NKAIN2: variants seen among roughly 807,000 people sequenced by gnomAD.
NKAIN2 encodes the protein sodium/potassium transporting ATPase interacting 2, also known as sodium/potassium-transporting ATPase subunit beta-1-interacting protein 2.
NKAIN2 carries 14 observed loss-of-function variants against 32.6 expected under a neutral mutation model. The observed-to-expected ratio is 0.43, with a 90% CI of 0.28 to 0.67. The LOEUF is 0.67. Among genes scored for constraint, NKAIN2 ranks in the 30% least tolerant of loss-of-function variants. The probability of loss-of-function intolerance (pLI) is 0.17; values close to 1 mark genes in which losing one functional copy is unlikely to be tolerated. For missense variants in NKAIN2, 198 were observed against 258.3 expected (o/e 0.77, Z 1.60); for synonymous variants, 80 against 87.2 (o/e 0.92, Z 0.46).
intron 1 of NKAIN2, among the ~76,000 whole-genome samples, chr6:124,036,439 C>A (rs1781607503): frequency 6.6e-6 from 1 of 152,024 alleles, no homozygotes; most frequent in African/African-American, 2.4e-5. Flanking sequence ...ATGGTCTAGT[C>A]AAAATATTTT....
chr6:124,068,626 C>T (rs539544888), intron 1 of NKAIN2, among the ~76,000 whole-genome samples: 40 of 151,896 alleles, frequency 2.6e-4, no homozygotes, highest in South Asian at 6.2e-4. Flanking sequence ...AGAGCCTAGC[C>T]GTGGCTAGCA....
intron 1 of NKAIN2, among the ~76,000 whole-genome samples, chr6:124,253,909 C>T (rs1793803745): frequency 6.6e-6 from 1 of 151,538 alleles, no homozygotes; most frequent in South Asian, 2.1e-4. Context: ...CCTCCACTCC[C>T]CAGGTTCAAG....
chr6:123,857,202 C>G (rs1775587429), intron 1 of NKAIN2, among the ~76,000 whole-genome samples: 1 of 151,800 alleles, frequency 6.6e-6, no homozygotes, highest in South Asian at 2.1e-4. Flanking sequence ...ATCATGGACC[C>G]TAAAATAAGA....
intron 3 of NKAIN2, among the ~76,000 whole-genome samples, chr6:124,560,743 C>T (rs560428576): frequency 1.1e-4 from 16 of 152,232 alleles, no homozygotes; most frequent in African/African-American, 2.6e-4. Flanking sequence ...ACCTTCTTAG[C>T]GAGTTTTGTT....
chr6:124,745,489 A>G (rs1391183938), intron 4 of NKAIN2, among the ~76,000 whole-genome samples: 1 of 151,952 alleles, frequency 6.6e-6, no homozygotes, highest in African/African-American at 2.4e-5. Context: ...TTATAGTTCA[A>G]CATATGAATC....
intron 3 of NKAIN2, among the ~76,000 whole-genome samples, chr6:124,383,777 A>G (rs185976172): frequency 2.0e-5 from 3 of 152,214 alleles, no homozygotes; most frequent in Admixed American, 6.5e-5. Context: ...AGCTTGGACA[A>G]TCAGCTAGCT....
At chr6:124,312,352 A>G (rs1241252209) in intron 2 of NKAIN2, among the ~76,000 whole-genome samples, 1 of 152,060 alleles carries the variant, frequency 6.6e-6, no homozygotes, top group Non-Finnish European at 1.5e-5. Context: ...ACAGGTTGAG[A>G]CTCAGTCCCA....
At chr6:123,913,743 T>C (rs1443285566) in intron 1 of NKAIN2, among the ~76,000 whole-genome samples, 1 of 152,150 alleles carries the variant, frequency 6.6e-6, no homozygotes, top group Non-Finnish European at 1.5e-5. Context: ...AATATTCTTA[T>C]TGACCATATT....
intron 3 of NKAIN2, among the ~76,000 whole-genome samples, chr6:124,616,468 T>C (rs1583526357): frequency 8.7e-5 from 2 of 22,972 alleles, no homozygotes; most frequent in African/African-American, 2.2e-4. Flanking sequence ...TTTTTTTTTT[T>C]TTTTTTTTTT....
In NKAIN2 at chr6:124,405,496, A is replaced by G. The variant is rs554409239; in HGVS notation, c.273+50149A>G. Reference sequence around the variant, plus strand: ...TGGTGATATTTAGAAAGTCTCATGAATTCACAATACTAAGACAAATATAAA... The same window carrying G: ...TGGTGATATTTAGAAAGTCTCATGAGTTCACAATACTAAGACAAATATAAA... On this transcript the variant is annotated intron_variant, in intron 3 of 6. Transcript: ENST00000368417. 2.6e-5 allele frequency among the ~76,000 whole-genome samples: 4 copies of G among 151,598 alleles called. No individual in the cohort carries two copies. In the South Asian group the frequency reaches 6.2e-4, roughly 24 times the overall value.
chr6:124,692,381 T>G (rs906467791), intron 4 of NKAIN2, among the ~76,000 whole-genome samples: 3 of 152,176 alleles, frequency 2.0e-5, no homozygotes, highest in African/African-American at 7.2e-5. Context: ...CCTCCCGTTT[T>G]GTTATATAAA....
intron 1 of NKAIN2, among the ~76,000 whole-genome samples, chr6:124,119,194 T>A (rs974176066): frequency 6.6e-6 from 1 of 152,090 alleles, no homozygotes; most frequent in African/African-American, 2.4e-5. Flanking sequence ...AAGTAAAAAA[T>A]TTAACCAGAG....
chr6:124,123,369 C>G (rs1446955681), intron 1 of NKAIN2, among the ~76,000 whole-genome samples: 2 of 151,956 alleles, frequency 1.3e-5, no homozygotes, highest in Non-Finnish European at 2.9e-5. Flanking sequence ...GAGAAAGCCA[C>G]TGAGACCAAA....
chr6:124,710,886 C>T (rs1053096542), intron 4 of NKAIN2, among the ~76,000 whole-genome samples: 1 of 149,468 alleles, frequency 6.7e-6, no homozygotes, highest in Admixed American at 6.7e-5. Context: ...ATGTTAGCTG[C>T]TTATTTTGCT....
intron 1 of NKAIN2, among the ~76,000 whole-genome samples, chr6:124,082,863 T>G (rs1313777335): frequency 6.6e-6 from 1 of 152,010 alleles, no homozygotes; most frequent in Non-Finnish European, 1.5e-5. Flanking sequence ...ATATACAATT[T>G]ATACAGTCCA....
chr6:124,270,883 C>A (rs2114876387), intron 1 of NKAIN2, among the ~76,000 whole-genome samples: 1 of 152,258 alleles, frequency 6.6e-6, no homozygotes, highest in Admixed American at 6.5e-5. Context: ...TACACCTGGG[C>A]CTTCTTGGGT....
intron 2 of NKAIN2, among the ~76,000 whole-genome samples, chr6:124,286,568 A>C (rs559914975): frequency 6.6e-6 from 1 of 151,762 alleles, no homozygotes; most frequent in South Asian, 2.1e-4. Flanking sequence ...TTTCATTTTT[A>C]ATTGTATTTC....
At position 124,658,355 on chromosome 6, in the gene NKAIN2, T is replaced by C. The variant is rs745306449; in HGVS notation, c.443T>C (p.Val148Ala). The change falls in exon 4 of 7, where the codon GTG becomes GCG. Residue 148 changes from valine to alanine, a missense_variant. By Grantham distance (64) the Val-to-Ala change is moderately conservative. Transcript: ENST00000368417. ...TTGCTGGAGTACCAGTACATAGAAG[T>C]GGCTCATAGTTCCCTCCAGATTGTC... The part of the protein sequence containing the change: ...GCLLEYQYIE[V>A]AHSSLQIVLA... 6.2e-7 allele frequency: 1 copy of C among 1,614,130 alleles called. No homozygotes were observed. The highest frequency in any genetic ancestry group is 8.5e-7 in the Non-Finnish European group (1 of 1,180,010).
rs768012956 is a variant in NKAIN2 at position 124,658,326 on chromosome 6, G to A, written c.414G>A (p.Gly138=). ...PEDHRYITVS[G]CLLEYQYIEV... is the part of the protein sequence containing the mutation. ...ACCATCGCTACATCACGGTCTCAGG[G>A]TGTTTGCTGGAGTACCAGTACATAG... Residue 138 remains glycine (G), a synonymous_variant, in exon 4 of 7, where the codon GGG becomes GGA. Transcript: ENST00000368417. 4.3e-6 allele frequency: 7 copies of A among 1,614,150 alleles called. No individual in the cohort carries two copies. The highest frequency in any genetic ancestry group is 5.9e-6 in the Non-Finnish European group (7 of 1,180,022).
Sources: allele counts gnomAD v4.1 joint callset (sites outside exome capture counted in the v4.1 genomes callset), GRCh38; gene constraint gnomAD v4.1.1; transcripts MANE v1.5; gene names NCBI Gene and HGNC (gene_info 2026-07-23, HGNC 2026-07-21).